CNOT10: variants seen among roughly 807,000 people sequenced by gnomAD.
CNOT10 encodes the protein CCR4-NOT transcription complex, subunit 10.
In CNOT10, 30 loss-of-function variants were observed where a neutral mutation model predicts 94.6. The ratio of observed to expected loss-of-function variants is 0.32; its 90% CI spans 0.24 to 0.43. The LOEUF is 0.43. CNOT10 is among the 20% of genes least tolerant of loss of function. The probability of loss-of-function intolerance (pLI) is 1.00; values close to 1 mark genes in which losing one functional copy is unlikely to be tolerated. For synonymous variants in CNOT10, 289 were observed against 301.6 expected (o/e 0.96, Z 0.43); for missense variants, 759 against 877.2 (o/e 0.87, Z 1.70).
Position 32,720,160 on chromosome 3 carries a change from G to A in CNOT10, c.791G>A (p.Gly264Asp). The change falls in exon 8 of 19, where the codon GGT (glycine) becomes GAT (aspartate). Residue 264 changes from glycine to aspartate, a missense_variant. By Grantham distance (94) the Gly-to-Asp change is moderately conservative. Transcript: ENST00000328834. Reference sequence around the variant, plus strand: ...AAAAGCAATTTTGAGTACTTAAGAGGTAATTATCGAAAAGCCGTGAAGCTA... The same window carrying A: ...AAAAGCAATTTTGAGTACTTAAGAGATAATTATCGAAAAGCCGTGAAGCTA... ...FLKSNFEYLR[G>D]NYRKAVKLLN... The A allele has an allele frequency of 6.4e-7, 1 of 1,557,604 alleles. No homozygotes were observed.
intron 4 of CNOT10, 103 bp from the exon 5 acceptor site, chr3:32,713,124 T>A: frequency 4.5e-6 from 4 of 893,980 alleles, no homozygotes; most frequent in Non-Finnish European, 6.6e-6. Context: ...TAAAGACTTA[T>A]GCTTTGCTAT....
chr3:32,691,159 C>CTT (rs34462848), intron 1 of CNOT10, among the ~76,000 whole-genome samples: 31 of 88,174 alleles, frequency 3.5e-4, no homozygotes, highest in South Asian at 8.1e-4. Flanking sequence ...CCACAGCCAG[C>CTT]TTTTTTTTTT....
chr3:32,742,984 C>CTTTTT (rs11425595), intron 13 of CNOT10, among the ~76,000 whole-genome samples: 1 of 122,722 alleles, frequency 8.1e-6, no homozygotes, highest in African/African-American at 3.1e-5. Flanking sequence ...GAATACTAAT[C>CTTTTT]TTTTTTTTTT....
At position 32,695,821 on chromosome 3, in the gene CNOT10, C is replaced by T. The variant is rs770452364; in HGVS notation, c.23-8047C>T. The T allele has an allele frequency of 4.6e-6, 7 of 1,534,876 alleles. No homozygotes were observed. In the Admixed American group the frequency reaches 1.4e-4, roughly 30 times the overall value. ...AATGCTGTGGGATTATGTGCAGACT[C>T]TGTCTGGTAAGAAGTCAGTAGTTAT... On this transcript the variant is annotated intron_variant, in intron 1 of 18. Transcript: ENST00000328834.
At chr3:32,719,275 C>T (rs1698265690) in intron 7 of CNOT10, among the ~76,000 whole-genome samples, 1 of 151,870 alleles carries the variant, frequency 6.6e-6, no homozygotes, top group Non-Finnish European at 1.5e-5. Context: ...CAAAAATTTG[C>T]CTGGCATGGT....
chr3:32,723,577 T>C (rs940611319), intron 8 of CNOT10, among the ~76,000 whole-genome samples: 6 of 152,120 alleles, frequency 3.9e-5, no homozygotes, highest in East Asian at 1.9e-4. Flanking sequence ...CTAAGTACCA[T>C]AGAATTTAGA....
At chr3:32,687,937 C>CTGA (rs1696702121) in intron 1 of CNOT10, among the ~76,000 whole-genome samples, 1 of 152,174 alleles carries the variant, frequency 6.6e-6, no homozygotes, top group South Asian at 2.1e-4. Flanking sequence ...GTCTATCTTA[C>CTGA]ATGCTGCTTC....
At chr3:32,694,055 C>A (rs1023479889) in intron 1 of CNOT10, among the ~76,000 whole-genome samples, 5 of 150,432 alleles carry the variant, frequency 3.3e-5, no homozygotes, top group Non-Finnish European at 7.4e-5. Flanking sequence ...AAAATTTTGT[C>A]TTTTTAAGTC....
At position 32,708,607 on chromosome 3, in the gene CNOT10, T is replaced by G; in HGVS notation, c.280-63T>G. ...TATGTTCCTTTTTATTCATATGAAT[T>G]CTTTCACTTTTGCTTTTTATTTCCT... is the stretch of plus-strand genomic sequence containing the variant. On this transcript the variant is annotated intron_variant, in intron 3 of 18. Transcript: ENST00000328834. 3 of 1,393,878 alleles carry G rather than the reference T, an allele frequency of 2.2e-6. No homozygotes were observed. The South Asian group carries it at 3.9e-5, about 18-fold the overall frequency. The allele number at this position is 1,393,878 out of a possible 1,614,324, so 86.3% of individuals were successfully genotyped here.
intron 13 of CNOT10, among the ~76,000 whole-genome samples, chr3:32,744,964 C>T (rs997960912): frequency 1.3e-5 from 2 of 152,126 alleles, no homozygotes; most frequent in Non-Finnish European, 2.9e-5. Context: ...CTGCAACCTC[C>T]GCCTCCTGGG....
chr3:32,760,669 G>T (rs2125633288), intron 14 of CNOT10, among the ~76,000 whole-genome samples: 1 of 152,142 alleles, frequency 6.6e-6, no homozygotes, highest in East Asian at 1.9e-4. Context: ...ATTTTTGTAT[G>T]GTGCTGATCC....
chr3:32,726,758 A>C (rs1698687697), intron 9 of CNOT10, among the ~76,000 whole-genome samples: 1 of 150,370 alleles, frequency 6.7e-6, no homozygotes, highest in African/African-American at 2.4e-5. Context: ...CAAATGTATT[A>C]TAAATCAAGG....
intron 8 of CNOT10, among the ~76,000 whole-genome samples, chr3:32,721,920 G>A (rs944968186): frequency 6.6e-6 from 1 of 151,956 alleles, no homozygotes; most frequent in East Asian, 1.9e-4. Context: ...CCAAAGTGCT[G>A]GGATTACAGG....
Position 32,716,310 on chromosome 3 carries a change from A to C in CNOT10, c.659A>C (p.Gln220Pro). The C allele has an allele frequency of 1.3e-6, 2 of 1,540,774 alleles. No individual in the cohort carries two copies. The highest frequency in any genetic ancestry group is 1.8e-6 in the Non-Finnish European group (2 of 1,122,880). The stretch of plus-strand genomic sequence containing the variant: ...GAAGCTGCAAAATCAAAGATACATC[A>C]GGTAGTATAAATTTTAAAGGGGGGC... ...LIEAAKSKIH[Q>P]YKVRAYIQMK... Residue 220 changes from glutamine to proline, a missense_variant and splice_region_variant, in exon 6 of 19, where the codon CAG becomes CCG. Gln to Pro is a moderately conservative substitution (Grantham distance 76, BLOSUM62 -1). Transcript: ENST00000328834.
At position 32,704,801 on chromosome 3, in the gene CNOT10, T is replaced by A; in HGVS notation, c.118-10T>A. 1 of 1,563,500 alleles carries A rather than the reference T, an allele frequency of 6.4e-7. No homozygotes were observed. Among genetic ancestry groups the A allele is most frequent in the Non-Finnish European group, 8.6e-7 (1 of 1,165,448 alleles). On this transcript the variant is annotated splice_polypyrimidine_tract_variant and intron_variant, in intron 2 of 18. Coordinates refer to ENST00000328834, the MANE Select transcript of CNOT10 (RefSeq NM_015442.3). Reference sequence around the variant, plus strand: ...ATTTTGTGTGTGTGTGTGTGGTTTTTTTTTTTTAGTCTGGAAATTATGATG... The same window carrying A: ...ATTTTGTGTGTGTGTGTGTGGTTTTATTTTTTTAGTCTGGAAATTATGATG...
intron 14 of CNOT10, among the ~76,000 whole-genome samples, chr3:32,762,295 C>T (rs969147531): frequency 1.3e-5 from 2 of 151,080 alleles, no homozygotes; most frequent in South Asian, 2.1e-4. Flanking sequence ...TTTGAGATGG[C>T]GTCTCACTCT....
chr3:32,753,665 G>A, intron 13 of CNOT10: 2 of 1,577,056 alleles, frequency 1.3e-6, no homozygotes, highest in East Asian at 4.5e-5. Context: ...ACAAGAAATT[G>A]GGATAAATTA....
chr3:32,728,999 G>C (rs370029936), intron 10 of CNOT10, among the ~76,000 whole-genome samples: 18 of 152,240 alleles, frequency 1.2e-4, no homozygotes, highest in African/African-American at 4.1e-4. Flanking sequence ...GGGAGGGTGA[G>C]GCAGGAGAAT....
At position 32,708,720 on chromosome 3, in the gene CNOT10, C is replaced by A. The variant is rs1295454833; in HGVS notation, c.330C>A (p.Ser110Arg). The A allele has an allele frequency of 6.2e-7, 1 of 1,613,120 alleles. No individual in the cohort carries two copies. The highest frequency in any genetic ancestry group is 8.5e-7 in the Non-Finnish European group (1 of 1,179,452). The change falls in exon 4 of 19, where the codon AGC (serine) becomes AGA (arginine). Residue 110 changes from serine (S) to arginine (R), a missense_variant. Physicochemically the swap from Ser to Arg is moderately radical, Grantham distance 110. Around this residue, in one of 3 missense-constraint regions of CNOT10, gnomAD observed 682 missense variants for 799.4 expected, o/e 0.85. Coordinates refer to ENST00000328834, the MANE Select transcript of CNOT10 (RefSeq NM_015442.3). ...EMDGLDDVEN[S>R]MLYYNQAVIL... ...ATGGATTAGATGATGTTGAAAACAG[C>A]ATGTTGTACTATAATCAAGCAGTCA... is the stretch of plus-strand genomic sequence containing the variant.
Sources: gnomAD v4.1 joint callset for allele counts (sites outside exome capture counted in the v4.1 genomes callset) on GRCh38, gnomAD v4.1.1 for gene constraint, gnomAD v4.1.1 regional missense constraint, MANE v1.5 for transcripts, NCBI Gene and HGNC (gene_info 2026-07-23, HGNC 2026-07-21) for gene names.